Variants in RELCH observed in about 807,000 individuals in gnomAD.
RELCH encodes RAB11 binding and LisH domain, coiled-coil and HEAT repeat containing.
A neutral mutation model predicts 150.3 loss-of-function variants in RELCH; 41 were observed. The observed-to-expected ratio is 0.27, with a 90% CI of 0.21 to 0.35. The LOEUF is 0.35. RELCH is among the 10% of genes least tolerant of loss of function. The pLI, the probability that RELCH is intolerant of heterozygous loss-of-function variation, is 1.00. For missense variants in RELCH, 1,092 were observed against 1,467.8 expected (o/e 0.74, Z 4.18); for synonymous variants, 478 against 531.8 (o/e 0.90, Z 1.39).
At chr18:62,257,619 A>C (rs963369591) in intron 13 of RELCH, among the ~76,000 whole-genome samples, 7 of 152,038 alleles carry the variant, frequency 4.6e-5, no homozygotes. Flanking sequence ...AACTGCAAGG[A>C]TTTGAGAGAT....
rs1295179868 is a variant in RELCH at position 62,220,026 on chromosome 18, C to G, written c.617-1011C>G. 2.0e-5 allele frequency among the ~76,000 whole-genome samples: 3 copies of G among 151,924 alleles called. No homozygotes were observed. In the East Asian group the frequency reaches 5.8e-4, roughly 29 times the overall value. On this transcript the variant is annotated intron_variant, in intron 2 of 28. Coordinates refer to ENST00000644646, the MANE Select transcript of RELCH (RefSeq NM_001346231.2). ...TTGTGGCAAAGATCACTTAATTTTC[C>G]CAGAGCTTTACTTCTCAGAAATATA... is the stretch of plus-strand genomic sequence containing the variant.
intron 1 of RELCH, among the ~76,000 whole-genome samples, chr18:62,192,177 G>C (rs1241618299): frequency 6.6e-6 from 1 of 152,078 alleles, no homozygotes; most frequent in Non-Finnish European, 1.5e-5. Flanking sequence ...TATGCTTGTT[G>C]CCGCATGAAT....
chr18:62,259,704 C>G (rs1464732447), intron 15 of RELCH, among the ~76,000 whole-genome samples: 1 of 151,888 alleles, frequency 6.6e-6, no homozygotes. Context: ...AAGAACAAAT[C>G]TGGAAAAAGT....
chr18:62,257,810 C>A, intron 13 of RELCH, 138 bp from the exon 14 acceptor site: 1 of 636,320 alleles, frequency 1.6e-6, no homozygotes, highest in Non-Finnish European at 2.5e-6. Context: ...CTCTGTACAT[C>A]AACAGTTAGT....
At chr18:62,231,880 C>A (rs968796362) in intron 9 of RELCH, among the ~76,000 whole-genome samples, 6 of 151,976 alleles carry the variant, frequency 3.9e-5, no homozygotes, top group African/African-American at 1.4e-4. Flanking sequence ...TGCACTCTGG[C>A]AATCCTCATT....
chr18:62,296,395 T>G (rs1313821691), intron 27 of RELCH, among the ~76,000 whole-genome samples: 5 of 152,172 alleles, frequency 3.3e-5, no homozygotes, highest in African/African-American at 1.2e-4. Flanking sequence ...GAGACCAGCC[T>G]GACCAACATG....
chr18:62,201,824 C>T (rs1599798532), intron 1 of RELCH, among the ~76,000 whole-genome samples: 1 of 152,162 alleles, frequency 6.6e-6, no homozygotes, highest in Admixed American at 6.5e-5. Flanking sequence ...TTACCCAATA[C>T]TCTTTTATTA....
Position 62,264,144 on chromosome 18 carries a change from T to C in RELCH, c.2506T>C (p.Leu836=). The C allele has an allele frequency of 6.3e-7, 1 of 1,595,780 alleles. No homozygotes were observed. The highest frequency in any genetic ancestry group is 1.1e-5 in the South Asian group (1 of 88,674). The stretch of plus-strand genomic sequence containing the variant: ...GAGTTTACTGTGGGTTGTCAATCAA[T>C]TGTAAGTTACCACCTCCATATTAAT... ...WESLLWVVNQ[L]LPQLIEIVGK... is the part of the protein sequence containing the mutation. Residue 836 remains leucine, a splice_region_variant and synonymous_variant, in exon 17 of 29, where the codon TTG becomes CTG. Coordinates refer to ENST00000644646, the MANE Select transcript of RELCH (RefSeq NM_001346231.2).
intron 27 of RELCH, among the ~76,000 whole-genome samples, chr18:62,294,794 A>G (rs1468379170): frequency 6.6e-6 from 1 of 152,188 alleles, no homozygotes; most frequent in Non-Finnish European, 1.5e-5. Context: ...GTTTTTATGT[A>G]TGATGTGAGC....
intron 1 of RELCH, among the ~76,000 whole-genome samples, chr18:62,191,577 C>G (rs1036914484): frequency 6.6e-6 from 1 of 152,126 alleles, no homozygotes. Flanking sequence ...TACTCTCCCC[C>G]TCACCCACCA....
intron 2 of RELCH, among the ~76,000 whole-genome samples, chr18:62,214,662 T>A (rs1302776068): frequency 6.6e-6 from 1 of 152,102 alleles, no homozygotes; most frequent in Non-Finnish European, 1.5e-5. Flanking sequence ...CATGACCCCA[T>A]AGCTCATACA....
Position 62,268,885 on chromosome 18 carries a change from TG to T in RELCH, c.2701del (p.Val901SerfsTer27). ...TAATTTTAGATTCCTCAGCAGGAAA[TG>T]GGGTCCTCACTAAAGCTACAGTCCC... ...EENIDSSAGNGVLTKATVPIY... is the reference protein window; with the variant it reads ...EENIDSSAGNXVLTKATVPIY... On this transcript the variant is annotated frameshift_variant, in exon 20 of 29. Coordinates refer to ENST00000644646, the MANE Select transcript of RELCH (RefSeq NM_001346231.2). LOFTEE classifies it high-confidence loss of function. The T allele has an allele frequency of 1.3e-6, 2 of 1,530,436 alleles. No individual in the cohort carries two copies. Among genetic ancestry groups the T allele is most frequent in the Admixed American group, 1.9e-5 (1 of 52,656 alleles). 94.8% of individuals were successfully genotyped at this position (1,530,436 alleles called of 1,614,324 possible). A position where few individuals can be genotyped will look rare whatever the true frequency, so the allele number is the denominator to read the frequency against.
At chr18:62,301,456 T>C (rs1305076932) in intron 28 of RELCH, among the ~76,000 whole-genome samples, 1 of 152,240 alleles carries the variant, frequency 6.6e-6, no homozygotes, top group African/African-American at 2.4e-5. Flanking sequence ...CCTTTGGCAA[T>C]ATGTAAATAA....
chr18:62,261,782 T>C (rs1186984513), intron 16 of RELCH, 124 bp downstream of exon 16: 9 of 760,482 alleles, frequency 1.2e-5, no homozygotes, highest in Non-Finnish European at 6.1e-6. Flanking sequence ...AAATGTATTA[T>C]GTGTGTAGAA....
At chr18:62,221,525 AT>A (rs753355203) in intron 5 of RELCH, 28 bp downstream of exon 5, 6 of 1,001,764 alleles carry the variant, frequency 6.0e-6, no homozygotes, top group Non-Finnish European at 8.8e-6. Flanking sequence ...TTTTACAGTG[AT>A]TTTTTTCTAC....
intron 23 of RELCH, 80 bp downstream of exon 23, chr18:62,279,936 T>G (rs2044416091): frequency 1.2e-6 from 1 of 841,690 alleles, no homozygotes; most frequent in Non-Finnish European, 1.9e-6. Context: ...GCTCTTAAAT[T>G]TATTGAAGAA....
Position 62,268,720 on chromosome 18 carries a change from C to A in RELCH, c.2681-149C>A, listed in dbSNP as rs1600162859. The A allele has an allele frequency of 1.8e-5, 7 of 398,414 alleles. No homozygotes were observed. In the East Asian group the frequency reaches 3.1e-4, roughly 17 times the overall value. The allele number at this position is 398,414 out of a possible 1,614,324, so 24.7% of individuals were successfully genotyped here. A position where few individuals can be genotyped will look rare whatever the true frequency, so the allele number is the denominator to read the frequency against. On this transcript the variant is annotated intron_variant, in intron 19 of 28. Coordinates refer to ENST00000644646, the MANE Select transcript of RELCH (RefSeq NM_001346231.2). ...GGAAACACTAAGTTGTATTTTACAA[C>A]CACCAATAAACATATGTTTTCCAAA...
rs150582156 is a variant in RELCH, at chr18:62,284,255, A to G, written c.3253+1811A>G. ...ATTTGACAGTTTTATTGTAGAATAG[A>G]TACCTACCTATCAAATTTGTAGGAG... On this transcript the variant is annotated intron_variant, in intron 25 of 28. Coordinates refer to ENST00000644646, the MANE Select transcript of RELCH (RefSeq NM_001346231.2). 3.9e-5 allele frequency: 6 copies of G among 152,356 alleles called. No homozygotes were observed. In the East Asian group the frequency reaches 1.2e-3, roughly 29 times the overall value. 9.4% of individuals were successfully genotyped at this position (152,356 alleles called of 1,614,324 possible). A position where few individuals can be genotyped will look rare whatever the true frequency, so the allele number is the denominator to read the frequency against.
intron 26 of RELCH, among the ~76,000 whole-genome samples, chr18:62,288,142 G>A (rs2044912025): frequency 6.6e-6 from 1 of 152,074 alleles, no homozygotes; most frequent in Non-Finnish European, 1.5e-5. Flanking sequence ...AAACTAAGAA[G>A]GAAGTAAAGA....
Sources: gnomAD v4.1 joint callset for allele counts (sites outside exome capture counted in the v4.1 genomes callset) on GRCh38, gnomAD v4.1.1 for gene constraint, MANE v1.5 for transcripts, NCBI Gene and HGNC (gene_info 2026-07-23, HGNC 2026-07-21) for gene names.